DNAJC5B: variants seen among roughly 807,000 people sequenced by gnomAD.
The protein encoded by DNAJC5B is DnaJ heat shock protein family (Hsp40) member C5 beta, also known as dnaJ homolog subfamily C member 5B.
A neutral mutation model predicts 24.7 loss-of-function variants in DNAJC5B; 23 were observed. The ratio of observed to expected loss-of-function variants is 0.93; its 90% CI spans 0.67 to 1.32. DNAJC5B has a LOEUF of 1.32. DNAJC5B is among the 40% of genes most tolerant of loss of function. The pLI is 0.00. For synonymous variants in DNAJC5B, 101 were observed against 90.1 expected, an observed-to-expected ratio of 1.12 and a Z score of -0.68; for missense variants, 238 against 240.8, an observed-to-expected ratio of 0.99 and a Z score of 0.08.
chr8:66,077,125 T>C (rs1356694474), intron 4 of DNAJC5B, among the ~76,000 whole-genome samples: 1 of 152,240 alleles, frequency 6.6e-6, no homozygotes, highest in Non-Finnish European at 1.5e-5. Context: ...TCAGATTAAT[T>C]CTTTATAATG....
intron 1 of DNAJC5B, among the ~76,000 whole-genome samples, chr8:66,039,260 G>T (rs1806554548): frequency 6.6e-6 from 1 of 152,034 alleles, no homozygotes; most frequent in Non-Finnish European, 1.5e-5. Context: ...CTGTTCACTG[G>T]CTGGTTACCT....
chr8:66,085,479 A>G (rs756522088), intron 5 of DNAJC5B, among the ~76,000 whole-genome samples: 15 of 152,058 alleles, frequency 9.9e-5, no homozygotes, highest in Non-Finnish European at 2.2e-4. Context: ...AGGCTGAGGC[A>G]GGAGAATTGT....
chr8:66,091,610 A>C (rs1184014273), intron 5 of DNAJC5B, among the ~76,000 whole-genome samples: 1 of 152,288 alleles, frequency 6.6e-6, no homozygotes, highest in East Asian at 1.9e-4. Context: ...TTGTGCAATG[A>C]CTATTTTTCA....
intron 5 of DNAJC5B, among the ~76,000 whole-genome samples, chr8:66,093,684 C>G (rs1807893520): frequency 6.6e-6 from 1 of 152,006 alleles, no homozygotes; most frequent in Non-Finnish European, 1.5e-5. Flanking sequence ...TGGTGTTTTA[C>G]TCTTTATGGC....
At chr8:66,049,241 T>C (rs1377883346) in intron 2 of DNAJC5B, among the ~76,000 whole-genome samples, 2 of 152,202 alleles carry the variant, frequency 1.3e-5, no homozygotes, top group Admixed American at 6.6e-5. Flanking sequence ...GTGTGACACA[T>C]GATTCATGTC....
At chr8:66,063,900 A>G (rs958199872) in intron 3 of DNAJC5B, among the ~76,000 whole-genome samples, 11 of 152,080 alleles carry the variant, frequency 7.2e-5, no homozygotes, top group Admixed American at 4.6e-4. Context: ...ATTTTACTCT[A>G]TGTAGTAAAC....
At chr8:66,066,001 T>C (rs72650562) in intron 3 of DNAJC5B, among the ~76,000 whole-genome samples, 8,194 of 152,212 alleles carry the variant, frequency 0.054, 321 homozygotes, top group Non-Finnish European at 0.081. Flanking sequence ...TTTTGCAGGG[T>C]AGGTAAAGCA....
chr8:66,021,841 C>T (rs1806132228), intron 1 of DNAJC5B, 136 bp downstream of exon 1: 2 of 152,224 alleles, frequency 1.3e-5, no homozygotes, highest in African/African-American at 4.8e-5. Flanking sequence ...GGCTGCTTGC[C>T]ATGAAGCCGG....
intron 1 of DNAJC5B, 61 bp downstream of exon 1, chr8:66,021,766 G>A (rs1806129175): frequency 6.6e-6 from 1 of 152,240 alleles, no homozygotes; most frequent in Admixed American, 6.5e-5. Context: ...TGCCCCAGCT[G>A]CGTTAGGGTA....
rs1016265615 is a variant in DNAJC5B at position 66,100,957 on chromosome 8, C to T, written c.*926C>T. Among the ~76,000 whole-genome samples the T allele has an allele frequency of 3.9e-5, 6 of 152,108 alleles. No homozygotes were observed. Among genetic ancestry groups the T allele is most frequent in the African/African-American group, 1.2e-4 (5 of 41,418 alleles). On this transcript the variant is annotated 3_prime_UTR_variant, in exon 6 of 6. Coordinates refer to ENST00000276570, the MANE Select transcript of DNAJC5B (RefSeq NM_033105.6). ...AGCCCAGAGGTCATCTCTGCATTTG[C>T]TTGTTTGATTCTTGTATTTATTATG...
intron 3 of DNAJC5B, among the ~76,000 whole-genome samples, chr8:66,066,382 T>C (rs899604995): frequency 3.3e-5 from 5 of 152,132 alleles, no homozygotes; most frequent in African/African-American, 1.2e-4. Context: ...CTACTGAATA[T>C]CTACACAAAG....
chr8:66,098,548 A>T (rs1722092108), intron 5 of DNAJC5B, among the ~76,000 whole-genome samples: 1 of 151,818 alleles, frequency 6.6e-6, no homozygotes, highest in Admixed American at 6.6e-5. Flanking sequence ...TATTTCATCA[A>T]TTCTAGAATA....
intron 3 of DNAJC5B, among the ~76,000 whole-genome samples, chr8:66,069,675 T>C (rs1410777520): frequency 6.6e-6 from 1 of 152,010 alleles, no homozygotes; most frequent in African/African-American, 2.4e-5. Flanking sequence ...TTCCAAACAA[T>C]AGAAAAAGAG....
chr8:66,049,530 G>A (rs1806799577), intron 2 of DNAJC5B, among the ~76,000 whole-genome samples: 1 of 152,138 alleles, frequency 6.6e-6, no homozygotes, highest in Admixed American at 6.5e-5. Context: ...GGAGCAATAG[G>A]CTATACCATA....
intron 1 of DNAJC5B, among the ~76,000 whole-genome samples, chr8:66,035,791 T>C (rs992282070): frequency 2.0e-5 from 3 of 152,180 alleles, no homozygotes; most frequent in Admixed American, 6.5e-5. Flanking sequence ...CACAGCCTCA[T>C]GTTTGGGCAG....
At chr8:66,052,763 T>C (rs576911595) in intron 3 of DNAJC5B, among the ~76,000 whole-genome samples, 7 of 152,332 alleles carry the variant, frequency 4.6e-5, no homozygotes, top group Non-Finnish European at 8.8e-5. Context: ...CTGATACTTG[T>C]CTTGACAATA....
chr8:66,100,063 C>T lies in DNAJC5B; in HGVS notation c.*32C>T. The T allele has an allele frequency of 1.3e-6, 2 of 1,593,184 alleles. No homozygotes were observed. The highest frequency in any genetic ancestry group is 1.3e-5 in the African/African-American group (1 of 74,544). ...GCCCTCAGAGAGTCCACAGTCCCTC[C>T]TCTCAGTTCAGTCTTGTCTCCAGAT... On this transcript the variant is annotated 3_prime_UTR_variant, in exon 6 of 6. Transcript: ENST00000276570.
intron 1 of DNAJC5B, among the ~76,000 whole-genome samples, chr8:66,040,157 C>G (rs187096159): frequency 4.6e-5 from 7 of 152,006 alleles, no homozygotes; most frequent in South Asian, 2.1e-4. Context: ...TTTGGGAGGC[C>G]GAGGCAGGCG....
chr8:66,094,802 C>G (rs1209338519), intron 5 of DNAJC5B, among the ~76,000 whole-genome samples: 1 of 151,946 alleles, frequency 6.6e-6, no homozygotes. Flanking sequence ...TTTGTTAGAC[C>G]TTCATATTTG....
Sources: allele counts gnomAD v4.1 joint callset (sites outside exome capture counted in the v4.1 genomes callset), GRCh38; gene constraint gnomAD v4.1.1; transcripts MANE v1.5; gene names NCBI Gene and HGNC (gene_info 2026-07-23, HGNC 2026-07-21).